The following GALNTL6 variants were observed in gnomAD, a reference collection of about 807,000 sequenced individuals.
GALNTL6 encodes polypeptide N-acetylgalactosaminyltransferase like 6.
GALNTL6 carries 46 observed loss-of-function variants against 73.7 expected under a neutral mutation model. The ratio of observed to expected loss-of-function variants is 0.62; its 90% CI spans 0.49 to 0.80. The LOEUF (loss-of-function observed/expected upper bound fraction) is 0.80. Among genes scored for constraint, GALNTL6 ranks in the 30% least tolerant of loss-of-function variants. The probability of loss-of-function intolerance (pLI) is 0.00; values close to 1 mark genes in which losing one functional copy is unlikely to be tolerated. For synonymous variants in GALNTL6, 259 were observed against 263.7 expected, an observed-to-expected ratio of 0.98 and a Z score of 0.17; for missense variants, 604 against 755.0, an observed-to-expected ratio of 0.80 and a Z score of 2.34.
chr4:171,909,351 A>G (rs1702526955), intron 2 of GALNTL6, among the ~76,000 whole-genome samples: 1 of 152,148 alleles, frequency 6.6e-6, no homozygotes, highest in South Asian at 2.1e-4. Context: ...CCAGGGTTAT[A>G]AAAGAGAGAA....
In GALNTL6 at chr4:171,856,277, A is replaced by AT. The variant is rs35607036; in HGVS notation, c.138+41575dup. Among the ~76,000 whole-genome samples the AT allele has an allele frequency of 6.9e-3, 996 of 145,374 alleles. 5 individuals carry two copies. Among genetic ancestry groups the AT allele is most frequent in the African/African-American group, 0.021 (814 of 39,170 alleles). ...ACCACCACACCCGGCTACTTTTTGTATTTTTTTTTTTTTTTTAATTAGAGA... is the reference window on the plus strand; with the variant it reads ...ACCACCACACCCGGCTACTTTTTGTATTTTTTTTTTTTTTTTTAATTAGAGA... On this transcript the variant is annotated intron_variant, in intron 2 of 12. Coordinates refer to ENST00000506823, the MANE Select transcript of GALNTL6 (RefSeq NM_001034845.3).
chr4:172,481,404 C>T (rs922202098), intron 5 of GALNTL6, among the ~76,000 whole-genome samples: 1 of 127,580 alleles, frequency 7.8e-6, no homozygotes, highest in African/African-American at 2.7e-5. Context: ...AAAGCTTCCA[C>T]AGTGTGGAAG....
At chr4:172,858,998 A>G (rs1350447316) in intron 7 of GALNTL6, among the ~76,000 whole-genome samples, 1 of 151,978 alleles carries the variant, frequency 6.6e-6, no homozygotes, top group African/African-American at 2.4e-5. Flanking sequence ...GGATTCAAGA[A>G]GATAATGAGT....
intron 2 of GALNTL6, among the ~76,000 whole-genome samples, chr4:172,222,536 G>GT (rs377406660): frequency 1.0e-4 from 15 of 150,044 alleles, no homozygotes; most frequent in African/African-American, 2.2e-4. Flanking sequence ...AAGGCATTCA[G>GT]TTTTTTTTAT....
At chr4:172,252,342 A>G (rs1035597889) in intron 3 of GALNTL6, among the ~76,000 whole-genome samples, 2 of 152,126 alleles carry the variant, frequency 1.3e-5, no homozygotes, top group Non-Finnish European at 2.9e-5. Context: ...ATCTTCATCT[A>G]CAACTCTGGG....
At chr4:172,233,495 C>A (rs1244206540) in intron 3 of GALNTL6, among the ~76,000 whole-genome samples, 2 of 151,942 alleles carry the variant, frequency 1.3e-5, no homozygotes, top group Non-Finnish European at 2.9e-5. Context: ...TTCACTTAAC[C>A]AATTATTATT....
chr4:172,231,585 C>T (rs1737072493), intron 3 of GALNTL6, among the ~76,000 whole-genome samples: 1 of 152,064 alleles, frequency 6.6e-6, no homozygotes, highest in South Asian at 2.1e-4. Context: ...GAAAGACACA[C>T]CTAGGTTCAA....
chr4:172,814,507 T>G (rs1376462138), intron 7 of GALNTL6, among the ~76,000 whole-genome samples: 3 of 152,186 alleles, frequency 2.0e-5, no homozygotes, highest in Non-Finnish European at 4.4e-5. Flanking sequence ...TATCTATTCC[T>G]TATACTGCAC....
intron 2 of GALNTL6, among the ~76,000 whole-genome samples, chr4:172,162,255 T>C (rs1436376002): frequency 6.6e-6 from 1 of 151,730 alleles, no homozygotes; most frequent in Non-Finnish European, 1.5e-5. Flanking sequence ...AGAGGATTGC[T>C]TGAGATAAGA....
At chr4:172,053,731 T>C (rs1236617467) in intron 2 of GALNTL6, among the ~76,000 whole-genome samples, 1 of 152,258 alleles carries the variant, frequency 6.6e-6, no homozygotes, top group East Asian at 1.9e-4. Context: ...TCTATGTGTA[T>C]GGTGTGTATG....
chr4:172,665,798 T>C (rs1322613354), intron 5 of GALNTL6, among the ~76,000 whole-genome samples: 2 of 152,214 alleles, frequency 1.3e-5, no homozygotes, highest in African/African-American at 4.8e-5. Context: ...GTTACTTGTT[T>C]CTATGTTCAT....
At chr4:172,239,591 C>G (rs997678049) in intron 3 of GALNTL6, among the ~76,000 whole-genome samples, 6 of 151,806 alleles carry the variant, frequency 4.0e-5, no homozygotes, top group African/African-American at 1.2e-4. Context: ...TCATTCGGTT[C>G]TGCTCCGATT....
intron 5 of GALNTL6, among the ~76,000 whole-genome samples, chr4:172,651,195 A>C (rs530436118): frequency 1.4e-4 from 22 of 152,348 alleles, no homozygotes; most frequent in African/African-American, 4.3e-4. Flanking sequence ...AAACAAAAAC[A>C]GTAGGACCTG....
chr4:172,329,729 A>G (rs1055356872), intron 4 of GALNTL6, among the ~76,000 whole-genome samples: 2 of 152,164 alleles, frequency 1.3e-5, no homozygotes, highest in African/African-American at 4.8e-5. Flanking sequence ...CCCGAAGGCA[A>G]CAATGGCTAA....
intron 8 of GALNTL6, among the ~76,000 whole-genome samples, chr4:172,916,407 C>A (rs1747513615): frequency 1.3e-5 from 2 of 152,192 alleles, no homozygotes; most frequent in Admixed American, 6.5e-5. Flanking sequence ...GGCAATCAGA[C>A]AAAAGCAAGA....
chr4:172,178,745 G>T (rs1306245762), intron 2 of GALNTL6, among the ~76,000 whole-genome samples: 1 of 130,150 alleles, frequency 7.7e-6, no homozygotes, highest in East Asian at 2.2e-4. Context: ...ATGCTGGTGC[G>T]CTGCACCCAC....
chr4:172,136,440 T>C (rs1733638498), intron 2 of GALNTL6, among the ~76,000 whole-genome samples: 1 of 152,074 alleles, frequency 6.6e-6, no homozygotes, highest in South Asian at 2.1e-4. Context: ...TCTCCTCATA[T>C]GTAAAAGAAT....
intron 4 of GALNTL6, among the ~76,000 whole-genome samples, chr4:172,329,562 G>T (rs1428945873): frequency 6.6e-6 from 1 of 152,074 alleles, no homozygotes; most frequent in Non-Finnish European, 1.5e-5. Flanking sequence ...TGAACCACTG[G>T]CAGGGAGATT....
chr4:172,853,299 G>T (rs924100205), intron 7 of GALNTL6, among the ~76,000 whole-genome samples: 2 of 152,174 alleles, frequency 1.3e-5, no homozygotes, highest in Non-Finnish European at 2.9e-5. Flanking sequence ...GCCATGAGGG[G>T]TGCCCCAACA....
Sources: gnomAD v4.1 joint callset for allele counts (sites outside exome capture counted in the v4.1 genomes callset) on GRCh38, gnomAD v4.1.1 for gene constraint, MANE v1.5 for transcripts, NCBI Gene and HGNC (gene_info 2026-07-23, HGNC 2026-07-21) for gene names.